The following ATG2B variants were observed in gnomAD, a reference collection of about 807,000 sequenced individuals.
ATG2B encodes autophagy related 2B, also known as autophagy-related protein 2 homolog B.
ATG2B carries 121 observed loss-of-function variants against 241.3 expected under a neutral mutation model. The ratio of observed to expected loss-of-function variants is 0.50; its 90% CI spans 0.43 to 0.58. ATG2B has a LOEUF of 0.58. ATG2B is among the 20% of genes least tolerant of loss of function. The pLI is 0.00. For synonymous variants in ATG2B, 858 were observed against 876.6 expected (o/e 0.98, Z 0.37); for missense variants, 2,306 against 2,491.6 (o/e 0.93, Z 1.59).
Position 96,303,175 on chromosome 14 carries a change from C to G in ATG2B, c.4923G>C (p.Gln1641His). 6.2e-7 allele frequency: 1 copy of G among 1,613,222 alleles called. No homozygotes were observed. The highest frequency in any genetic ancestry group is 1.1e-5 in the South Asian group (1 of 90,844). Residue 1641 changes from glutamine to histidine, a missense_variant, in exon 33 of 42, where the codon CAG becomes CAC. Gln to His is a conservative substitution (Grantham distance 24). Around this residue, in one of 2 missense-constraint regions of ATG2B, gnomAD observed 1,927 missense variants for 2,011.2 expected, o/e 0.96. Transcript: ENST00000359933. ...TCTCAAGATCCTGAACAATGAACAC[C>G]TGCCGGGAGACTGGGTGTTCTGAGA... is the stretch of plus-strand genomic sequence containing the variant. ...SSLSEHPVSR[Q>H]VFIVQDLEIR...
rs117726798 is a variant in ATG2B at position 96,318,815 on chromosome 14, C to T, written c.2880-960G>A. 5.3e-3 allele frequency among the ~76,000 whole-genome samples: 813 copies of T among 152,290 alleles called. 27 individuals carry two copies. The South Asian group carries it at 0.067, about 13-fold the overall frequency. ...TCACCACGTCTTCTAGTAAACCCATCGTAAGATCTGGACCCACAGCATATG... is the reference window on the plus strand; with the variant it reads ...TCACCACGTCTTCTAGTAAACCCATTGTAAGATCTGGACCCACAGCATATG... On this transcript the variant is annotated intron_variant, in intron 18 of 41. Transcript: ENST00000359933.
chr14:96,312,336 G>A (rs1238541561), intron 25 of ATG2B, among the ~76,000 whole-genome samples, 177 bp from the exon 26 acceptor site: 3 of 152,092 alleles, frequency 2.0e-5, no homozygotes, highest in Non-Finnish European at 4.4e-5. Context: ...ATGAATGCTA[G>A]GAATATTTAA....
intron 32 of ATG2B, 117 bp from the exon 33 acceptor site, chr14:96,303,372 T>C: frequency 1.3e-6 from 1 of 792,338 alleles, no homozygotes; most frequent in South Asian, 3.1e-5. Flanking sequence ...TACCTCAGCT[T>C]ACAATTCCAC....
At position 96,322,123 on chromosome 14, in the gene ATG2B, C is replaced by T. The variant is rs772221143; in HGVS notation, c.2868G>A (p.Lys956=). The change falls in exon 18 of 42, where the codon AAG becomes AAA. Residue 956 remains lysine (K), a synonymous_variant. Coordinates refer to ENST00000359933, the MANE Select transcript of ATG2B (RefSeq NM_018036.7). ...GTGTATAAACTCACCTATTATAAAG[C>T]TTCTCATAAAAGCTCTTATTAGGTA... is the stretch of plus-strand genomic sequence containing the variant. The part of the protein sequence containing the change: ...VTLPNKSFYE[K]LYNRIFNDLL... The T allele has an allele frequency of 2.6e-6, 4 of 1,543,028 alleles. No homozygotes were observed. Among genetic ancestry groups the T allele is most frequent in the Non-Finnish European group, 3.5e-6 (4 of 1,152,996 alleles).
At chr14:96,339,213 G>C (rs1054033726) in intron 6 of ATG2B, among the ~76,000 whole-genome samples, 4 of 151,832 alleles carry the variant, frequency 2.6e-5, no homozygotes, top group Admixed American at 2.6e-4. Flanking sequence ...ATGGAAAGCA[G>C]TATGGAAATT....
chr14:96,322,862 G>A, intron 16 of ATG2B, 127 bp from the exon 17 acceptor site: 1 of 741,584 alleles, frequency 1.3e-6, no homozygotes, highest in South Asian at 2.3e-5. Context: ...TCTCTACAAA[G>A]TCTAATTATG....
rs1886484828 is a variant in ATG2B, at chr14:96,291,594, A to T, written c.5579+6T>A. The T allele has an allele frequency of 6.9e-6, 11 of 1,590,826 alleles. No homozygotes were observed. The highest frequency in any genetic ancestry group is 1.7e-5 in the Admixed American group (1 of 58,840). ...ACTTAAAGCTTCATATAATAAATTCACTTACCCATGTCGATAGGAAAGCCT... is the reference window on the plus strand; with the variant it reads ...ACTTAAAGCTTCATATAATAAATTCTCTTACCCATGTCGATAGGAAAGCCT... On this transcript the variant is annotated splice_donor_region_variant and intron_variant, in intron 38 of 41. Transcript: ENST00000359933.
chr14:96,302,089 T>G lies in ATG2B; in HGVS notation c.5057A>C (p.His1686Pro). Reference sequence around the variant, plus strand: ...GGACCTGCCAGATTCTGGACACACGTGTAAGGCTTTCACTGTCAACTACAA... The same window carrying G: ...GGACCTGCCAGATTCTGGACACACGGGTAAGGCTTTCACTGTCAACTACAA... The part of the protein sequence containing the change: ...HSNMLTVKAL[H>P]VCPESGRSPQ... Residue 1686 changes from histidine to proline, a missense_variant, in exon 34 of 42, where the codon CAC becomes CCC. His to Pro is a moderately conservative substitution (Grantham distance 77, BLOSUM62 -2). Coordinates refer to ENST00000359933, the MANE Select transcript of ATG2B (RefSeq NM_018036.7). 1 of 1,613,526 alleles carries G rather than the reference T, an allele frequency of 6.2e-7. No individual in the cohort carries two copies. Among genetic ancestry groups the G allele is most frequent in the Non-Finnish European group, 8.5e-7 (1 of 1,179,558 alleles).
chr14:96,304,417 C>G, intron 32 of ATG2B, 78 bp downstream of exon 32: 1 of 1,061,558 alleles, frequency 9.4e-7, no homozygotes, highest in Non-Finnish European at 1.4e-6. Context: ...AGGCTCAAGA[C>G]TACGTGGTGG....
chr14:96,353,172 C>G (rs1157849639), intron 1 of ATG2B, among the ~76,000 whole-genome samples: 1 of 152,122 alleles, frequency 6.6e-6, no homozygotes, highest in Non-Finnish European at 1.5e-5. Context: ...ATACAGTAGG[C>G]TATACCACTG....
intron 5 of ATG2B, 149 bp from the exon 6 acceptor site, chr14:96,341,850 A>G (rs1888045435): frequency 1.3e-5 from 7 of 556,530 alleles, no homozygotes; most frequent in African/African-American, 1.9e-5. Context: ...TCGTATAGCT[A>G]AAATGAAACA....
At chr14:96,316,779 A>G in intron 20 of ATG2B, 96 bp from the exon 21 acceptor site, 1 of 1,040,090 alleles carries the variant, frequency 9.6e-7, no homozygotes, top group Non-Finnish European at 1.4e-6. Flanking sequence ...AGCTTAGGAA[A>G]ATCTCCCATA....
chr14:96,341,838 T>G, intron 5 of ATG2B, 137 bp from the exon 6 acceptor site: 1 of 609,446 alleles, frequency 1.6e-6, no homozygotes, highest in Non-Finnish European at 2.6e-6. Context: ...GACAAACCAG[T>G]ATCGTATAGC....
At chr14:96,308,260 ATATATATATATATATATATATATTTT>A (rs1887037442) in intron 29 of ATG2B, among the ~76,000 whole-genome samples, 1 of 17,240 alleles carries the variant, frequency 5.8e-5, no homozygotes, top group Non-Finnish European at 1.2e-4. Context: ...ATACACACAT[ATATATATATATATATATATATATTTT>A]TTTTTTTTTT....
At chr14:96,347,045 G>T in intron 2 of ATG2B, 134 bp downstream of exon 2, 2 of 686,016 alleles carry the variant, frequency 2.9e-6, no homozygotes, top group Admixed American at 3.5e-5. Flanking sequence ...TCTACAAAGA[G>T]CCAAGTCGTA....
Position 96,290,200 on chromosome 14 carries a change from T to G in ATG2B, c.5856+236A>C, listed in dbSNP as rs1353618570. On this transcript the variant is annotated intron_variant, in intron 40 of 41. Transcript: ENST00000359933. The surrounding 1 kb of genome is among the most constrained non-coding windows in gnomAD (Gnocchi z 4.4). Reference sequence around the variant, plus strand: ...TGAAATCAATCCTCTGCTAACTTAATGTTTACAATTTACCTGAAATAGGCA... The same window carrying G: ...TGAAATCAATCCTCTGCTAACTTAAGGTTTACAATTTACCTGAAATAGGCA... The G allele has an allele frequency of 1.5e-6, 2 of 1,309,130 alleles. No individual in the cohort carries two copies. The highest frequency in any genetic ancestry group is 6.1e-5 in the East Asian group (2 of 32,594). 81.1% of individuals were successfully genotyped at this position (1,309,130 alleles called of 1,614,324 possible). A position where few individuals can be genotyped will look rare whatever the true frequency, so the allele number is the denominator to read the frequency against.
chr14:96,326,072 ATT>A (rs1887581292), intron 14 of ATG2B, 150 bp from the exon 15 acceptor site: 1 of 744,186 alleles, frequency 1.3e-6, no homozygotes, highest in Non-Finnish European at 2.0e-6. Context: ...TACCATATTA[ATT>A]TAGTGTAAAA....
In ATG2B at chr14:96,305,523, A is replaced by G. The variant is rs1285139107; in HGVS notation, c.4733+66T>C. 3 of 1,126,560 alleles carry G rather than the reference A, an allele frequency of 2.7e-6. No individual in the cohort carries two copies. The African/African-American group carries it at 4.8e-5, about 18-fold the overall frequency. 69.8% of individuals were successfully genotyped at this position (1,126,560 alleles called of 1,614,324 possible). ...TTTTCTCTCTAAAGGGGAAATGGAA[A>G]ATTCTATTTTTCTAAGAAAAGAATA... On this transcript the variant is annotated intron_variant, in intron 31 of 41. Transcript: ENST00000359933.
Position 96,347,227 on chromosome 14 carries a change from G to C in ATG2B, c.277C>G (p.Leu93Val), listed in dbSNP as rs1396751979. ...WGSLLQDNCA[L>V]EVRGLEMVFR... ...ACCATTTCTAATCCTCTCACTTCCA[G>C]TGCACAATTATCCTGCAGTAAAGAG... is the stretch of plus-strand genomic sequence containing the variant. The change falls in exon 2 of 42, where the codon CTG becomes GTG. Residue 93 changes from leucine (L) to valine (V), a missense_variant. Leu to Val is a conservative substitution (Grantham distance 32). Coordinates refer to ENST00000359933, the MANE Select transcript of ATG2B (RefSeq NM_018036.7). 2 of 1,609,174 alleles carry C rather than the reference G, an allele frequency of 1.2e-6. No individual in the cohort carries two copies. Among genetic ancestry groups the C allele is most frequent in the Non-Finnish European group, 1.7e-6 (2 of 1,176,290 alleles).
Sources: gnomAD v4.1 joint callset for allele counts (sites outside exome capture counted in the v4.1 genomes callset) on GRCh38, gnomAD v4.1.1 for gene constraint, gnomAD v4.1.1 regional missense constraint, Gnocchi (gnomAD v3.1) non-coding constraint, MANE v1.5 for transcripts, NCBI Gene and HGNC (gene_info 2026-07-23, HGNC 2026-07-21) for gene names.